Variants in XYLT1 observed in about 807,000 individuals in gnomAD.
The protein encoded by XYLT1 is xylosyltransferase 1.
A neutral mutation model predicts 91.3 loss-of-function variants in XYLT1; 36 were observed. That is an observed-to-expected ratio of 0.39 (90% CI 0.30 to 0.52). XYLT1 has a LOEUF of 0.52. Ranked by LOEUF, XYLT1 falls within the 20% of genes least tolerant of loss-of-function variation. The pLI, the probability that XYLT1 is intolerant of heterozygous loss-of-function variation, is 0.68. For synonymous variants in XYLT1, 588 were observed against 532.0 expected, an observed-to-expected ratio of 1.11 and a Z score of -1.45; for missense variants, 1,242 against 1,284.5, an observed-to-expected ratio of 0.97 and a Z score of 0.51.
At chr16:17,257,313 C>A (rs1392225729) in intron 3 of XYLT1, among the ~76,000 whole-genome samples, 1 of 152,140 alleles carries the variant, frequency 6.6e-6, no homozygotes, top group Non-Finnish European at 1.5e-5. Flanking sequence ...GCAGAAAGGA[C>A]TCTCCCTGTT....
intron 1 of XYLT1, among the ~76,000 whole-genome samples, chr16:17,470,110 C>CA (rs2141969452): frequency 6.6e-6 from 1 of 152,266 alleles, no homozygotes; most frequent in East Asian, 1.9e-4. Context: ...GACCTACACG[C>CA]ACGGAGCAAG....
At chr16:17,453,351 G>A (rs1233379894) in intron 1 of XYLT1, among the ~76,000 whole-genome samples, 3 of 152,148 alleles carry the variant, frequency 2.0e-5, no homozygotes, top group Non-Finnish European at 4.4e-5. Context: ...GAACGGACAG[G>A]ACTCTTTGAC....
intron 2 of XYLT1, among the ~76,000 whole-genome samples, chr16:17,275,002 C>A (rs1302467778): frequency 6.6e-6 from 1 of 152,026 alleles, no homozygotes; most frequent in Admixed American, 6.6e-5. Context: ...CATGGTGAAA[C>A]CCTGTCTCTA....
Position 17,134,233 on chromosome 16 carries a change from G to C in XYLT1, c.2027+240C>G, listed in dbSNP as rs2030026. Among the ~76,000 whole-genome samples the C allele has an allele frequency of 0.7, 107,036 of 152,088 alleles. 38,520 individuals carry two copies. Among genetic ancestry groups the C allele is most frequent in the East Asian group, 0.89 (4,591 of 5,178 alleles). On this transcript the variant is annotated intron_variant, in intron 9 of 11. Coordinates refer to ENST00000261381, the MANE Select transcript of XYLT1 (RefSeq NM_022166.4). The stretch of plus-strand genomic sequence containing the variant: ...AGTATATATATGTAGCATGAAGAAT[G>C]AGTAAAATCATTGGGTACATAGGAT...
intron 1 of XYLT1, among the ~76,000 whole-genome samples, chr16:17,408,871 A>C (rs1297032292): frequency 1.3e-5 from 2 of 152,178 alleles, no homozygotes; most frequent in Admixed American, 1.3e-4. Context: ...AAAACAAAAA[A>C]AAAGAGTAAC....
rs1296527318 is a variant in XYLT1 at position 17,141,258 on chromosome 16, G to A, written c.1482C>T (p.Asp494=). 3.1e-6 allele frequency: 5 copies of A among 1,614,086 alleles called. No individual in the cohort carries two copies. Among genetic ancestry groups the A allele is most frequent in the Non-Finnish European group, 4.2e-6 (5 of 1,180,046 alleles). Residue 494 remains aspartate (D), a synonymous_variant, in exon 7 of 12, where the codon GAC becomes GAT. Transcript: ENST00000261381. ...PEGIAVDGGS[D]WFLLNRRFVE... is the part of the protein sequence containing the mutation. ...CAAACCTCCGGTTCAGCAGGAACCA[G>A]TCCGAACCGCCATCCACGGCAATGC...
intron 1 of XYLT1, among the ~76,000 whole-genome samples, chr16:17,369,147 T>C (rs1265653364): frequency 6.6e-6 from 1 of 150,968 alleles, no homozygotes; most frequent in East Asian, 1.9e-4. Context: ...TTTTTTTTTT[T>C]TTAGATGGAG....
At chr16:17,439,390 G>T (rs2036504325) in intron 1 of XYLT1, among the ~76,000 whole-genome samples, 1 of 152,168 alleles carries the variant, frequency 6.6e-6, no homozygotes, top group Admixed American at 6.5e-5. Flanking sequence ...CGCTCCCAGA[G>T]AAACAGTCAC....
At chr16:17,308,248 C>G (rs1186991265) in intron 2 of XYLT1, among the ~76,000 whole-genome samples, 2 of 152,196 alleles carry the variant, frequency 1.3e-5, no homozygotes, top group African/African-American at 4.8e-5. Context: ...GACCAGGAGA[C>G]CTGAGCTCCA....
intron 6 of XYLT1, among the ~76,000 whole-genome samples, chr16:17,143,250 TATC>T (rs757231777): frequency 6.6e-6 from 1 of 152,106 alleles, no homozygotes; most frequent in Non-Finnish European, 1.5e-5. Flanking sequence ...CCATTTTCAT[TATC>T]ATCACTGTCA....
rs2034566281 is a variant in XYLT1 at position 17,312,484 on chromosome 16, A to G, written c.402+45528T>C. ...TTTCTAACTTAAAAAAATAATAATT[A>G]TAGACTCACAGGAGGTTGCCAAGAT... On this transcript the variant is annotated intron_variant, in intron 2 of 11. Transcript: ENST00000261381. This position sits in a 1 kb window ranked among gnomAD's most constrained non-coding sequence, Gnocchi z 4.4. Among the ~76,000 whole-genome samples the G allele has an allele frequency of 6.6e-6, 1 of 152,170 alleles. No individual in the cohort carries two copies. The highest frequency in any genetic ancestry group is 1.5e-5 in the Non-Finnish European group (1 of 68,034).
chr16:17,241,809 G>A (rs2033349647), intron 3 of XYLT1, among the ~76,000 whole-genome samples: 1 of 152,182 alleles, frequency 6.6e-6, no homozygotes, highest in South Asian at 2.1e-4. Context: ...GGAGTTGGAA[G>A]GTGATAGCAG....
At position 17,124,308 on chromosome 16, in the gene XYLT1, A is replaced by G. The variant is rs1168460052; in HGVS notation, c.2223+3358T>C. 9.8e-5 allele frequency among the ~76,000 whole-genome samples: 15 copies of G among 152,312 alleles called. No individual in the cohort carries two copies. The East Asian group carries it at 2.5e-3, about 25-fold the overall frequency. On this transcript the variant is annotated intron_variant, in intron 10 of 11. Coordinates refer to ENST00000261381, the MANE Select transcript of XYLT1 (RefSeq NM_022166.4). Reference sequence around the variant, plus strand: ...TACAGCTCCTTTTAGCAGTTCTTGTAGTGCTGGCTTGGTAGTGGTGAATTA... The same window carrying G: ...TACAGCTCCTTTTAGCAGTTCTTGTGGTGCTGGCTTGGTAGTGGTGAATTA...
chr16:17,123,635 C>T (rs984994197), intron 10 of XYLT1, among the ~76,000 whole-genome samples: 3 of 152,148 alleles, frequency 2.0e-5, no homozygotes, highest in East Asian at 1.9e-4. Flanking sequence ...TGATGAACAG[C>T]ATGTATATTC....
chr16:17,313,928 G>A (rs2034588577), intron 2 of XYLT1, among the ~76,000 whole-genome samples: 3 of 152,198 alleles, frequency 2.0e-5, no homozygotes, highest in Admixed American at 6.5e-5. Flanking sequence ...TCTGTCCAGA[G>A]ATTCAAAATG....
rs758010563 is a variant in XYLT1 at position 17,117,936 on chromosome 16, A to G, written c.2267T>C (p.Phe756Ser). 13 of 1,613,572 alleles carry G rather than the reference A, an allele frequency of 8.1e-6. No homozygotes were observed. The African/African-American group carries it at 9.3e-5, about 12-fold the overall frequency. The stretch of plus-strand genomic sequence containing the variant: ...ATCCATGGGCCCCAGAAGACCCCCA[A>G]AGTTGCGGAATAGCCTCTCCTTGGC... ...WDAKERLFRN[F>S]GGLLGPMDEP... Residue 756 changes from phenylalanine (F) to serine (S), a missense_variant, in exon 11 of 12, where the codon TTT becomes TCT. Physicochemically the swap from Phe to Ser is radical, Grantham distance 155 (BLOSUM62 -2). Transcript: ENST00000261381.
chr16:17,131,602 A>C (rs565822056), intron 9 of XYLT1, among the ~76,000 whole-genome samples: 10 of 152,162 alleles, frequency 6.6e-5, no homozygotes, highest in African/African-American at 2.4e-4. Context: ...TGACATCCTT[A>C]TTTCTGGATG....
intron 2 of XYLT1, among the ~76,000 whole-genome samples, chr16:17,332,455 G>A (rs1400206606): frequency 2.0e-5 from 3 of 151,980 alleles, no homozygotes; most frequent in Admixed American, 6.6e-5. Context: ...CCAGCTACTC[G>A]GGAGGCTGAG....
chr16:17,338,634 T>C (rs2035023598), intron 2 of XYLT1: 4 of 383,602 alleles, frequency 1.0e-5, no homozygotes, highest in South Asian at 2.0e-5. Context: ...TCACCCTTTT[T>C]TTTGGGACGG....
Sources: gnomAD v4.1 joint callset for allele counts (sites outside exome capture counted in the v4.1 genomes callset) on GRCh38, gnomAD v4.1.1 for gene constraint, Gnocchi (gnomAD v3.1) non-coding constraint, MANE v1.5 for transcripts, NCBI Gene and HGNC (gene_info 2026-07-23, HGNC 2026-07-21) for gene names.